The following GALNT13 variants were observed in gnomAD, a reference collection of about 807,000 sequenced individuals.
The protein encoded by GALNT13 is polypeptide N-acetylgalactosaminyltransferase 13.
In GALNT13, 28 loss-of-function variants were observed where a neutral mutation model predicts 64.2. The observed-to-expected ratio is 0.44, with a 90% CI of 0.32 to 0.60. GALNT13 has a LOEUF of 0.60. Among genes scored for constraint, GALNT13 ranks in the 20% least tolerant of loss-of-function variants. GALNT13 has a pLI of 0.05. For synonymous variants in GALNT13, 214 were observed against 224.6 expected (o/e 0.95, Z 0.42); for missense variants, 577 against 669.8 (o/e 0.86, Z 1.53).
At chr2:153,136,873 C>T in the GALNT13 span, among the ~76,000 whole-genome samples, 2 of 150,446 alleles carry the variant, frequency 1.3e-5, no homozygotes, top group African/African-American at 4.9e-5. Context: ...CACACACACA[C>T]TTACATCTGT....
At chr2:153,433,740 G>A in the GALNT13 span, among the ~76,000 whole-genome samples, 1 of 152,028 alleles carries the variant, frequency 6.6e-6, no homozygotes, top group African/African-American at 2.4e-5. Flanking sequence ...ACCCTCAAAA[G>A]AGAAGAGTTT....
At chr2:153,125,748 T>G in the GALNT13 span, among the ~76,000 whole-genome samples, 1 of 152,204 alleles carries the variant, frequency 6.6e-6, no homozygotes, top group Non-Finnish European at 1.5e-5. Context: ...TAAGAGACTT[T>G]AAGCCTATGT....
chr2:154,306,596 A>T (rs1386248452), intron 9 of GALNT13, among the ~76,000 whole-genome samples: 1 of 124,668 alleles, frequency 8.0e-6, no homozygotes, highest in Admixed American at 9.7e-5. Flanking sequence ...TTCAGGGATC[A>T]AGGTTTTTAA....
the GALNT13 span, among the ~76,000 whole-genome samples, chr2:153,134,438 T>A: frequency 2.6e-5 from 4 of 152,218 alleles, no homozygotes; most frequent in African/African-American, 9.6e-5. Context: ...TCTGAAAGGG[T>A]TAATAGAGAA....
the GALNT13 span, among the ~76,000 whole-genome samples, chr2:153,439,040 T>A: frequency 6.6e-6 from 1 of 152,184 alleles, no homozygotes; most frequent in Non-Finnish European, 1.5e-5. Context: ...CTTCTAACAG[T>A]CAGGACCCTC....
chr2:153,489,154 A>G, the GALNT13 span, among the ~76,000 whole-genome samples: 1 of 152,116 alleles, frequency 6.6e-6, no homozygotes, highest in African/African-American at 2.4e-5. Flanking sequence ...GGGGTGAGAA[A>G]TTAATTACCT....
At chr2:153,907,609 T>C (rs1183389190) in intron 2 of GALNT13, among the ~76,000 whole-genome samples, 2 of 152,028 alleles carry the variant, frequency 1.3e-5, no homozygotes, top group Non-Finnish European at 2.9e-5. Context: ...TTTGTGTCCA[T>C]GTGTTCTGAT....
At chr2:154,238,223 G>A (rs1187589715) in intron 4 of GALNT13, among the ~76,000 whole-genome samples, 1 of 152,016 alleles carries the variant, frequency 6.6e-6, no homozygotes, top group East Asian at 1.9e-4. Context: ...TGAGTTATAT[G>A]CTAAATGTTT....
At chr2:153,631,967 A>G in the GALNT13 span, among the ~76,000 whole-genome samples, 1 of 152,136 alleles carries the variant, frequency 6.6e-6, no homozygotes, top group South Asian at 2.1e-4. Flanking sequence ...CAGTAGTCCT[A>G]CTTTAATCCC....
intron 2 of GALNT13, among the ~76,000 whole-genome samples, chr2:153,908,712 C>G (rs1688743420): frequency 6.6e-6 from 1 of 151,896 alleles, no homozygotes; most frequent in Non-Finnish European, 1.5e-5. Flanking sequence ...AGGTGTGCAG[C>G]CTTAATTCTG....
chr2:154,281,750 A>G (rs1691974172), intron 8 of GALNT13, among the ~76,000 whole-genome samples: 1 of 151,422 alleles, frequency 6.6e-6, no homozygotes, highest in South Asian at 2.1e-4. Flanking sequence ...CTCTCCTTCA[A>G]CTCTACATTC....
intron 2 of GALNT13, among the ~76,000 whole-genome samples, chr2:153,934,023 A>T (rs1558861479): frequency 1.3e-5 from 2 of 152,058 alleles, no homozygotes; most frequent in African/African-American, 4.8e-5. Flanking sequence ...GGGGCCTTTA[A>T]CATTTTTCTT....
chr2:154,054,249 GT>G lies in GALNT13; in HGVS notation c.143-86080del, dbSNP rs370248306. Among the ~76,000 whole-genome samples, 74 of 151,580 alleles carry G rather than the reference GT, an allele frequency of 4.9e-4. No individual in the cohort carries two copies. The East Asian group carries it at 9.7e-3, about 20-fold the overall frequency. ...CTTTCTCTTCATTGCCTTGTTTGTA[GT>G]TTTTTTTCCCTGCAGAATGTTTTGT... On this transcript the variant is annotated intron_variant, in intron 3 of 12. Transcript: ENST00000392825.
the GALNT13 span, among the ~76,000 whole-genome samples, chr2:153,778,568 TCTACATCTTTTATGTAAC>T: frequency 2.0e-5 from 3 of 152,212 alleles, no homozygotes; most frequent in African/African-American, 7.2e-5. Flanking sequence ...AGTAGAAATG[TCTACATCTTTTATGTAAC>T]CTACTAAACT....
chr2:153,149,146 T>C, the GALNT13 span, among the ~76,000 whole-genome samples: 3 of 151,876 alleles, frequency 2.0e-5, no homozygotes, highest in Admixed American at 2.0e-4. Flanking sequence ...AGTTAGTGTA[T>C]GTTGAACATT....
the GALNT13 span, among the ~76,000 whole-genome samples, chr2:153,773,969 C>T: frequency 3.9e-5 from 6 of 152,226 alleles, no homozygotes; most frequent in African/African-American, 1.2e-4. Context: ...TTAATGTACA[C>T]TGATGTGCGT....
In GALNT13 at chr2:154,446,582, T is replaced by C. The variant is rs1282459631; in HGVS notation, c.1531-3829T>C. On this transcript the variant is annotated intron_variant, in intron 12 of 12. Transcript: ENST00000392825. ...TTGTCAAACAGACCCACACTCTTCT[T>C]CATATAATCACCCAGTCTTGTCTCT... 6 of 1,543,884 alleles carry C rather than the reference T, an allele frequency of 3.9e-6. No individual in the cohort carries two copies. The East Asian group carries it at 1.5e-4, about 38-fold the overall frequency.
chr2:153,430,967 T>C, the GALNT13 span, among the ~76,000 whole-genome samples: 1 of 151,920 alleles, frequency 6.6e-6, no homozygotes, highest in South Asian at 2.1e-4. Context: ...CTGGCCAACA[T>C]GGTGAAACCC....
At chr2:153,560,152 C>T in the GALNT13 span, among the ~76,000 whole-genome samples, 1 of 151,836 alleles carries the variant, frequency 6.6e-6, no homozygotes, top group South Asian at 2.1e-4. Flanking sequence ...AAGTACTGTC[C>T]CTTTAGTGGG....
Sources: allele counts gnomAD v4.1 joint callset (sites outside exome capture counted in the v4.1 genomes callset), GRCh38; gene constraint gnomAD v4.1.1; transcripts MANE v1.5; gene names NCBI Gene and HGNC (gene_info 2026-07-23, HGNC 2026-07-21).